The following CLCN3 variants were observed in gnomAD, a reference collection of about 807,000 sequenced individuals.
CLCN3 encodes the protein H(+)/Cl(-) exchange transporter 3.
CLCN3 carries 16 observed loss-of-function variants against 83.4 expected under a neutral mutation model. That is an observed-to-expected ratio of 0.19 (90% CI 0.13 to 0.29). CLCN3 has a LOEUF of 0.29. Ranked by LOEUF, CLCN3 falls within the 10% of genes least tolerant of loss-of-function variation. CLCN3 has a pLI of 1.00. For missense variants in CLCN3, 544 were observed against 1,006.0 expected, an observed-to-expected ratio of 0.54 and a Z score of 6.21; for synonymous variants, 322 against 346.2, an observed-to-expected ratio of 0.93 and a Z score of 0.78.
intron 1 of CLCN3, among the ~76,000 whole-genome samples, chr4:169,622,522 T>G (rs1003592831): frequency 6.6e-6 from 1 of 152,218 alleles, no homozygotes; most frequent in Admixed American, 6.5e-5. Context: ...TAGTCAAACT[T>G]GTCAGCAGTG....
intron 2 of CLCN3, among the ~76,000 whole-genome samples, chr4:169,639,219 A>G (rs192051790): frequency 8.5e-5 from 13 of 152,290 alleles, no homozygotes; most frequent in Admixed American, 2.6e-4. Flanking sequence ...TTTTGTAACA[A>G]TGGGGTCTCA....
intron 12 of CLCN3, among the ~76,000 whole-genome samples, 162 bp from the exon 13 acceptor site, chr4:169,719,745 G>A (rs1225321164): frequency 2.0e-5 from 3 of 151,846 alleles, no homozygotes; most frequent in African/African-American, 7.3e-5. Context: ...ATGGTTGCTG[G>A]ATAATTTTAA....
Position 169,697,603 on chromosome 4 carries a change from A to C in CLCN3, c.1432A>C (p.Met478Leu). Reference sequence around the variant, plus strand: ...TTCTCTTTGTGACTACAGAAATGACATGAATGCCAGTAAAATTGTCGATGA... The same window carrying C: ...TTCTCTTTGTGACTACAGAAATGACCTGAATGCCAGTAAAATTGTCGATGA... Reference protein sequence around the residue: ...SSSLCDYRNDMNASKIVDDIP... With the variant: ...SSSLCDYRNDLNASKIVDDIP... Residue 478 changes from methionine (M) to leucine (L), a missense_variant, in exon 9 of 13, where the codon ATG (methionine) becomes CTG (leucine). By Grantham distance (15) the Met-to-Leu change is conservative. Around this residue, in one of 6 missense-constraint regions of CLCN3, gnomAD observed 194 missense variants for 341.4 expected, o/e 0.57. Coordinates refer to ENST00000513761, the MANE Select transcript of CLCN3 (RefSeq NM_001829.4). The C allele has an allele frequency of 6.2e-7, 1 of 1,614,210 alleles. No homozygotes were observed. The highest frequency in any genetic ancestry group is 8.5e-7 in the Non-Finnish European group (1 of 1,180,018).
chr4:169,657,055 A>G (rs1250493837), intron 2 of CLCN3, among the ~76,000 whole-genome samples: 1 of 152,182 alleles, frequency 6.6e-6, no homozygotes, highest in Non-Finnish European at 1.5e-5. Flanking sequence ...ACTTTAATTA[A>G]TTATCAATTC....
At chr4:169,679,328 G>A (rs1333355667) in intron 2 of CLCN3, among the ~76,000 whole-genome samples, 1 of 151,750 alleles carries the variant, frequency 6.6e-6, no homozygotes, top group Non-Finnish European at 1.5e-5. Context: ...CTTCCTAGAC[G>A]GGATGGCGGC....
At chr4:169,644,025 C>T (rs932387981) in intron 2 of CLCN3, among the ~76,000 whole-genome samples, 1 of 152,086 alleles carries the variant, frequency 6.6e-6, no homozygotes, top group Non-Finnish European at 1.5e-5. Flanking sequence ...ATGTTCAGCC[C>T]ACAACTCAAA....
chr4:169,686,812 G>A (rs1248135107), intron 3 of CLCN3, among the ~76,000 whole-genome samples: 1 of 152,176 alleles, frequency 6.6e-6, no homozygotes, highest in Non-Finnish European at 1.5e-5. Context: ...TAGTAAGAGA[G>A]GTGAGACTTA....
chr4:169,696,882 CATTT>C (rs1340667416), intron 8 of CLCN3, among the ~76,000 whole-genome samples: 1 of 150,938 alleles, frequency 6.6e-6, no homozygotes, highest in Non-Finnish European at 1.5e-5. Flanking sequence ...GGTGATGGTA[CATTT>C]ATTTTTAACT....
rs1172967866 is a variant in CLCN3, at chr4:169,706,964, C to T, written c.1847C>T (p.Thr616Ile). Residue 616 changes from threonine to isoleucine, a missense_variant, in exon 11 of 13, where the codon ACC (threonine) becomes ATC (isoleucine). Physicochemically the swap from Thr to Ile is moderately conservative, Grantham distance 89. This residue lies in a region of CLCN3 where 27 missense variants were observed against 100.2 expected (regional missense o/e 0.27). Coordinates refer to ENST00000513761, the MANE Select transcript of CLCN3 (RefSeq NM_001829.4). ...YIVPLMAAVM[T>I]SKWVGDAFGR... ...GTTCCCCTTATGGCTGCAGTCATGA[C>T]CAGTAAATGGGTTGGAGATGCCTTT... 6.2e-7 allele frequency: 1 copy of T among 1,613,972 alleles called. No individual in the cohort carries two copies. The highest frequency in any genetic ancestry group is 1.3e-5 in the African/African-American group (1 of 74,892).
chr4:169,708,168 C>G (rs571254299), intron 11 of CLCN3, among the ~76,000 whole-genome samples: 1 of 152,276 alleles, frequency 6.6e-6, no homozygotes, highest in South Asian at 2.1e-4. Flanking sequence ...TCCCTTCCAG[C>G]TTACCTCTGT....
chr4:169,693,319 C>T (rs1351395442), intron 7 of CLCN3, among the ~76,000 whole-genome samples: 1 of 152,114 alleles, frequency 6.6e-6, no homozygotes. Flanking sequence ...AATTGTGATT[C>T]CAGTACTTTA....
intron 3 of CLCN3, among the ~76,000 whole-genome samples, chr4:169,687,306 C>T (rs1206455294): frequency 3.9e-5 from 6 of 152,244 alleles, no homozygotes; most frequent in East Asian, 1.9e-4. Flanking sequence ...CTTGGCTGGG[C>T]ACGGTGGCTC....
chr4:169,711,426 C>T (rs1460422242), intron 11 of CLCN3, among the ~76,000 whole-genome samples: 2 of 152,094 alleles, frequency 1.3e-5, no homozygotes, highest in East Asian at 1.9e-4. Flanking sequence ...TGCAATGGCG[C>T]GGCCTCAGCT....
chr4:169,660,415 G>A (rs1731013864), intron 2 of CLCN3: 1 of 1,409,242 alleles, frequency 7.1e-7, no homozygotes. Context: ...CGGGGGAGGA[G>A]ACAGTATTCC....
At chr4:169,626,250 T>G (rs540349977) in intron 1 of CLCN3, among the ~76,000 whole-genome samples, 2 of 152,160 alleles carry the variant, frequency 1.3e-5, no homozygotes, top group African/African-American at 4.8e-5. Flanking sequence ...TAGGGGGAGA[T>G]AGGGGAAAGA....
intron 2 of CLCN3, chr4:169,662,639 A>C (rs1287100868): frequency 2.6e-5 from 4 of 152,200 alleles, no homozygotes; most frequent in African/African-American, 9.6e-5. Flanking sequence ...GGATCTGTTT[A>C]GTAAATCCCT....
Position 169,723,031 on chromosome 4 carries a change from T to C in CLCN3, c.*3034T>C, listed in dbSNP as rs1417420968. On this transcript the variant is annotated 3_prime_UTR_variant, in exon 13 of 13. Coordinates refer to ENST00000513761, the MANE Select transcript of CLCN3 (RefSeq NM_001829.4). ...CTTAATAATTAATTGTTTTCAGTTT[T>C]GGTTCACGAAGAATGCTTAGTTAAT... The C allele has an allele frequency of 6.6e-6, 1 of 152,234 alleles. No homozygotes were observed. Among genetic ancestry groups the C allele is most frequent in the Non-Finnish European group, 1.5e-5 (1 of 68,048 alleles). 9.4% of individuals were successfully genotyped at this position (152,234 alleles called of 1,614,324 possible).
At chr4:169,696,466 T>C (rs1732567945) in intron 8 of CLCN3, among the ~76,000 whole-genome samples, 1 of 152,202 alleles carries the variant, frequency 6.6e-6, no homozygotes. Flanking sequence ...TAATGTGATG[T>C]GTCTATACAT....
chr4:169,667,563 C>G (rs1179304778), intron 2 of CLCN3, among the ~76,000 whole-genome samples: 3 of 152,002 alleles, frequency 2.0e-5, no homozygotes, highest in African/African-American at 7.2e-5. Flanking sequence ...GATAATTTTT[C>G]CTGCTTGCTG....
Sources: gnomAD v4.1 joint callset for allele counts (sites outside exome capture counted in the v4.1 genomes callset) on GRCh38, gnomAD v4.1.1 for gene constraint, gnomAD v4.1.1 regional missense constraint, MANE v1.5 for transcripts, NCBI Gene and HGNC (gene_info 2026-07-23, HGNC 2026-07-21) for gene names.